Variants in AIG1 observed in about 807,000 individuals in gnomAD.
AIG1 encodes the protein androgen-induced gene 1 protein.
AIG1 carries 23 observed loss-of-function variants against 31.4 expected under a neutral mutation model. The ratio of observed to expected loss-of-function variants is 0.73; its 90% CI spans 0.53 to 1.04. The LOEUF (loss-of-function observed/expected upper bound fraction) is 1.04. Ranked by LOEUF, AIG1 falls within the 50% of genes least tolerant of loss-of-function variation. The pLI is 0.00. For synonymous variants in AIG1, 100 were observed against 110.5 expected (o/e 0.90, Z 0.60); for missense variants, 274 against 295.0 (o/e 0.93, Z 0.52).
At chr6:143,197,610 TGTGA>T (rs1790356667) in intron 3 of AIG1, among the ~76,000 whole-genome samples, 1 of 152,198 alleles carries the variant, frequency 6.6e-6, no homozygotes. Context: ...GACAATGGAA[TGTGA>T]GTGGACATTA....
chr6:143,156,313 A>G (rs942307310), intron 2 of AIG1, among the ~76,000 whole-genome samples: 1 of 143,478 alleles, frequency 7.0e-6, no homozygotes, highest in Non-Finnish European at 1.5e-5. Context: ...ATGGGGTTCT[A>G]TGGAGCACTT....
At chr6:143,145,077 T>A (rs1387844594) in intron 2 of AIG1, among the ~76,000 whole-genome samples, 2 of 152,190 alleles carry the variant, frequency 1.3e-5, no homozygotes, top group African/African-American at 4.8e-5. Context: ...TAGACTGGAG[T>A]GCAGTGGCAT....
At chr6:143,162,102 A>G (rs1786438121) in intron 2 of AIG1, among the ~76,000 whole-genome samples, 1 of 152,238 alleles carries the variant, frequency 6.6e-6, no homozygotes, top group Non-Finnish European at 1.5e-5. Context: ...TACATTGTCA[A>G]TATTCAAAAA....
chr6:143,093,869 A>T (rs62429607), intron 1 of AIG1, among the ~76,000 whole-genome samples: 1 of 152,176 alleles, frequency 6.6e-6, no homozygotes, highest in Non-Finnish European at 1.5e-5. Context: ...TATGGATTGC[A>T]CTTGCCATCT....
At position 143,338,215 on chromosome 6, in the gene AIG1, G is replaced by T. The variant is rs181014746; in HGVS notation, c.680-1424G>T. The T allele has an allele frequency of 2.0e-3, 775 of 393,610 alleles. 3 individuals carry two copies. The highest frequency in any genetic ancestry group is 2.8e-3 in the Non-Finnish European group (622 of 223,372). 24.4% of individuals were successfully genotyped at this position (393,610 alleles called of 1,614,324 possible). A position where few individuals can be genotyped will look rare whatever the true frequency, so the allele number is the denominator to read the frequency against. ...GAGGTTCAAGACACATGTGCTGTTTGAGCTGAATCTGTGCTGTTTTCTTCT... is the reference window on the plus strand; with the variant it reads ...GAGGTTCAAGACACATGTGCTGTTTTAGCTGAATCTGTGCTGTTTTCTTCT... On this transcript the variant is annotated intron_variant, in intron 5 of 5. Transcript: ENST00000357847. The surrounding 1 kb of genome is among the most constrained non-coding windows in gnomAD (Gnocchi z 4.3).
intron 3 of AIG1, among the ~76,000 whole-genome samples, chr6:143,184,360 C>T (rs1222963061): frequency 3.9e-5 from 6 of 152,336 alleles, no homozygotes; most frequent in South Asian, 2.1e-4. Flanking sequence ...TTCTGCACTA[C>T]GTGTGTCCTT....
chr6:143,135,387 A>G (rs764344506), intron 1 of AIG1, among the ~76,000 whole-genome samples: 1 of 152,284 alleles, frequency 6.6e-6, no homozygotes, highest in Middle Eastern at 3.4e-3. Context: ...AATAGAAAAT[A>G]GAACATTTTT....
At chr6:143,302,445 A>G (rs757907486) in intron 4 of AIG1, among the ~76,000 whole-genome samples, 40 of 151,236 alleles carry the variant, frequency 2.6e-4, no homozygotes, top group Non-Finnish European at 7.4e-5. Flanking sequence ...TCATTGTTCA[A>G]TTCCCACCTA....
intron 1 of AIG1, among the ~76,000 whole-genome samples, chr6:143,104,562 G>T (rs1312684519): frequency 6.6e-6 from 1 of 152,108 alleles, no homozygotes; most frequent in Admixed American, 6.5e-5. Flanking sequence ...GAGCTCTTCT[G>T]TTTGTGTTTT....
At chr6:143,227,802 A>T (rs1341460529) in intron 3 of AIG1, among the ~76,000 whole-genome samples, 1 of 152,194 alleles carries the variant, frequency 6.6e-6, no homozygotes, top group Non-Finnish European at 1.5e-5. Flanking sequence ...GACCCAGGAC[A>T]GGCCAGGAGG....
chr6:143,167,267 G>A (rs2876550), intron 3 of AIG1, among the ~76,000 whole-genome samples: 98,784 of 152,000 alleles, frequency 0.65, 33,263 homozygotes, highest in East Asian at 0.98. Context: ...ATATTCTTGT[G>A]CAAATAGTAT....
intron 2 of AIG1, among the ~76,000 whole-genome samples, chr6:143,144,851 T>TTG (rs1234498773): frequency 6.6e-6 from 1 of 152,168 alleles, no homozygotes; most frequent in Non-Finnish European, 1.5e-5. Context: ...ACCAGGGAAG[T>TTG]TGTGTGTTTC....
At chr6:143,110,886 T>C (rs1293115397) in intron 1 of AIG1, among the ~76,000 whole-genome samples, 4 of 152,196 alleles carry the variant, frequency 2.6e-5, no homozygotes, top group Non-Finnish European at 5.9e-5. Flanking sequence ...CTGAAGTACA[T>C]TCATTGATGC....
intron 1 of AIG1, among the ~76,000 whole-genome samples, chr6:143,134,548 C>T (rs188740260): frequency 1.3e-5 from 2 of 152,050 alleles, no homozygotes; most frequent in Admixed American, 1.3e-4. Flanking sequence ...AATGAACACT[C>T]AAATTAACCT....
chr6:143,181,476 G>T (rs1788711569), intron 3 of AIG1, among the ~76,000 whole-genome samples: 1 of 152,108 alleles, frequency 6.6e-6, no homozygotes, highest in African/African-American at 2.4e-5. Context: ...TTTCATCTGT[G>T]ATCATTAGTT....
chr6:143,254,882 A>C (rs972326759), intron 3 of AIG1, among the ~76,000 whole-genome samples: 1 of 152,050 alleles, frequency 6.6e-6, no homozygotes, highest in South Asian at 2.1e-4. Context: ...TTAGCCAGGC[A>C]TGGTGGTGTG....
chr6:143,324,090 A>G (rs986716690), intron 4 of AIG1, among the ~76,000 whole-genome samples: 2 of 152,160 alleles, frequency 1.3e-5, no homozygotes, highest in African/African-American at 2.4e-5. Flanking sequence ...CACATCCCAT[A>G]TCTTATCCCA....
chr6:143,252,564 A>G (rs1384501702), intron 3 of AIG1, among the ~76,000 whole-genome samples: 1 of 152,226 alleles, frequency 6.6e-6, no homozygotes. Context: ...AAGAAGGTAC[A>G]TAAAATTCCT....
At chr6:143,245,388 G>C (rs1414043529) in intron 3 of AIG1, among the ~76,000 whole-genome samples, 1 of 152,146 alleles carries the variant, frequency 6.6e-6, no homozygotes, top group African/African-American at 2.4e-5. Context: ...AGTGTGTAGA[G>C]TTTCATGGTG....
Sources: allele counts gnomAD v4.1 joint callset (sites outside exome capture counted in the v4.1 genomes callset), GRCh38; gene constraint gnomAD v4.1.1; non-coding constraint Gnocchi (gnomAD v3.1); transcripts MANE v1.5; gene names NCBI Gene and HGNC (gene_info 2026-07-23, HGNC 2026-07-21).